Variants in GPD1L observed in about 807,000 individuals in gnomAD.
GPD1L encodes glycerol-3-phosphate dehydrogenase 1-like protein.
GPD1L carries 17 observed loss-of-function variants against 32.9 expected under a neutral mutation model. That is an observed-to-expected ratio of 0.52 (90% CI 0.35 to 0.78). GPD1L has a LOEUF of 0.78. Ranked by LOEUF, GPD1L falls within the 30% of genes least tolerant of loss-of-function variation. GPD1L has a pLI of 0.01. For missense variants in GPD1L, 361 were observed against 447.8 expected, an observed-to-expected ratio of 0.81 and a Z score of 1.75; for synonymous variants, 187 against 165.9, an observed-to-expected ratio of 1.13 and a Z score of -0.98.
intron 7 of GPD1L, among the ~76,000 whole-genome samples, chr3:32,160,312 G>A (rs1246873711): frequency 3.1e-5 from 2 of 65,146 alleles, no homozygotes; most frequent in African/African-American, 1.6e-4. Context: ...GGTGGGATGG[G>A]TGAATGGATG....
chr3:32,163,443 C>T (rs1439260934), intron 7 of GPD1L, among the ~76,000 whole-genome samples: 1 of 152,192 alleles, frequency 6.6e-6, no homozygotes, highest in Admixed American at 6.5e-5. Flanking sequence ...GCTGAGATTA[C>T]AGGCGTGAGC....
chr3:32,140,094 C>G (rs1321981816), intron 3 of GPD1L, 134 bp from the exon 4 acceptor site: 2 of 858,474 alleles, frequency 2.3e-6, no homozygotes, highest in African/African-American at 1.7e-5. Context: ...TTAAGCTGTA[C>G]ATAGGCAGTA....
chr3:32,163,254 C>T (rs141648381), intron 7 of GPD1L, among the ~76,000 whole-genome samples: 2,846 of 150,024 alleles, frequency 0.019, 75 homozygotes, highest in African/African-American at 0.066. Flanking sequence ...CTGCAACCTC[C>T]ACCTCCCAGG....
At chr3:32,118,078 C>T (rs1473519482) in intron 1 of GPD1L, among the ~76,000 whole-genome samples, 1 of 152,170 alleles carries the variant, frequency 6.6e-6, no homozygotes, top group Non-Finnish European at 1.5e-5. Context: ...TAGGGGGCAT[C>T]TGTGGATTTC....
intron 1 of GPD1L, among the ~76,000 whole-genome samples, 158 bp from the exon 2 acceptor site, chr3:32,127,918 T>C (rs879461796): frequency 6.6e-5 from 10 of 151,518 alleles, no homozygotes; most frequent in Admixed American, 2.6e-4. Context: ...TGAAAACAAC[T>C]AAGTTTCAAA....
At chr3:32,141,392 C>G (rs1292964810) in intron 4 of GPD1L, among the ~76,000 whole-genome samples, 1 of 151,904 alleles carries the variant, frequency 6.6e-6, no homozygotes, top group African/African-American at 2.4e-5. Context: ...TCCTTTTTTA[C>G]TATTTGTATG....
At chr3:32,131,573 T>C (rs535038812) in intron 2 of GPD1L, among the ~76,000 whole-genome samples, 1 of 152,342 alleles carries the variant, frequency 6.6e-6, no homozygotes, top group Non-Finnish European at 1.5e-5. Flanking sequence ...TGTTGTAGCA[T>C]GTATCAATAC....
rs1405436268 is a variant in GPD1L at position 32,162,516 on chromosome 3, G to A, written c.959+2842G>A. Among the ~76,000 whole-genome samples, 2 of 118,800 alleles carry A rather than the reference G, an allele frequency of 1.7e-5. 1 individual carries two copies. The highest frequency in any genetic ancestry group is 7.6e-5 in the African/African-American group (2 of 26,290). The allele number at this position is 118,800 out of a possible 152,430, so 77.9% of individuals were successfully genotyped here. On this transcript the variant is annotated intron_variant, in intron 7 of 7. Coordinates refer to ENST00000282541, the MANE Select transcript of GPD1L (RefSeq NM_015141.4). ...TTCTCCTGCCTCAGCCTCCCCAGTAGCTGGGACTACAGGCGCCCGCCACCG... is the reference window on the plus strand; with the variant it reads ...TTCTCCTGCCTCAGCCTCCCCAGTAACTGGGACTACAGGCGCCCGCCACCG...
intron 1 of GPD1L, among the ~76,000 whole-genome samples, chr3:32,126,580 A>T (rs1213653142): frequency 1.3e-5 from 2 of 152,216 alleles, no homozygotes; most frequent in African/African-American, 4.8e-5. Flanking sequence ...TGATGGTGGG[A>T]GATTCCTGGC....
chr3:32,121,535 ATGTATATATTTC>A (rs545816994), intron 1 of GPD1L, among the ~76,000 whole-genome samples: 10,630 of 79,848 alleles, frequency 0.13, 1,843 homozygotes, highest in African/African-American at 0.31. Flanking sequence ...ATATATTTCT[ATGTATATATTTC>A]TATATATATA....
Position 32,115,131 on chromosome 3 carries a change from G to A in GPD1L, c.47+8373G>A, listed in dbSNP as rs540511011. Among the ~76,000 whole-genome samples the A allele has an allele frequency of 4.6e-5, 7 of 152,236 alleles. No individual in the cohort carries two copies. In the East Asian group the frequency reaches 7.7e-4, roughly 17 times the overall value. ...CTGCCCACAACCTGCTGATTGGTCC[G>A]TTTTACAGAGTGCTGATTGGTCCAT... On this transcript the variant is annotated intron_variant, in intron 1 of 7. Coordinates refer to ENST00000282541, the MANE Select transcript of GPD1L (RefSeq NM_015141.4).
intron 1 of GPD1L, among the ~76,000 whole-genome samples, chr3:32,119,800 G>A (rs917596383): frequency 3.3e-5 from 5 of 152,108 alleles, no homozygotes; most frequent in East Asian, 1.9e-4. Context: ...GAACCAGCCC[G>A]GGTCAGCTCT....
At chr3:32,127,945 C>G in intron 1 of GPD1L, 131 bp from the exon 2 acceptor site, 1 of 723,272 alleles carries the variant, frequency 1.4e-6, no homozygotes, top group Admixed American at 2.1e-5. Context: ...GGGGCTGATA[C>G]ACGTCACATC....
intron 1 of GPD1L, among the ~76,000 whole-genome samples, chr3:32,113,978 C>T (rs764074661): frequency 2.6e-5 from 4 of 152,144 alleles, no homozygotes; most frequent in Admixed American, 6.5e-5. Context: ...CTTAACCTCC[C>T]GAGTAGCTGG....
rs148675275 is a variant in GPD1L, at chr3:32,145,116, C to T, written c.506-1506C>T. Among the ~76,000 whole-genome samples the T allele has an allele frequency of 0.024, 3,691 of 151,790 alleles. 296 individuals are homozygous for T. In the East Asian group the frequency reaches 0.26, roughly 11 times the overall value. On this transcript the variant is annotated intron_variant, in intron 4 of 7. Transcript: ENST00000282541. ...GGTGGATTGCTGGAGGTCAGGAGTT[C>T]GAGACCAGCCTGGCCAACATGGCGA...
At chr3:32,146,038 G>A (rs896836328) in intron 4 of GPD1L, among the ~76,000 whole-genome samples, 19 of 148,878 alleles carry the variant, frequency 1.3e-4, no homozygotes, top group Admixed American at 1.1e-3. Flanking sequence ...TTGACATTGT[G>A]TCACTTCTTG....
In GPD1L at chr3:32,117,015, C is replaced by T. The variant is rs181101870; in HGVS notation, c.47+10257C>T. Among the ~76,000 whole-genome samples the T allele has an allele frequency of 9.8e-4, 150 of 152,324 alleles. 1 individual carries two copies. The highest frequency in any genetic ancestry group is 3.5e-3 in the Admixed American group (53 of 15,308). ...ACTTGAAATGTGGCTATTCGGACTA[C>T]ATTTAAATGTTAACTAATTAAAATG... is the stretch of plus-strand genomic sequence containing the variant. On this transcript the variant is annotated intron_variant, in intron 1 of 7. Transcript: ENST00000282541.
chr3:32,158,317 G>C (rs1463038757), intron 5 of GPD1L: 2 of 161,318 alleles, frequency 1.2e-5, no homozygotes, highest in Non-Finnish European at 2.7e-5. Context: ...AAAGTTGAAA[G>C]GCAGGTAAAA....
chr3:32,159,833 A>C (rs1019091967), intron 7 of GPD1L, among the ~76,000 whole-genome samples, 159 bp downstream of exon 7: 1 of 152,238 alleles, frequency 6.6e-6, no homozygotes, highest in Non-Finnish European at 1.5e-5. Flanking sequence ...CTGTGATGAG[A>C]AGCATCTACC....
Sources: allele counts gnomAD v4.1 joint callset (sites outside exome capture counted in the v4.1 genomes callset), GRCh38; gene constraint gnomAD v4.1.1; transcripts MANE v1.5; gene names NCBI Gene and HGNC (gene_info 2026-07-23, HGNC 2026-07-21).